Variants in POLR2J observed in about 807,000 individuals in gnomAD.
The protein encoded by POLR2J is DNA-directed RNA polymerase II subunit RPB11-a.
A neutral mutation model predicts 13.4 loss-of-function variants in POLR2J; 12 were observed. The ratio of observed to expected loss-of-function variants is 0.90; its 90% CI spans 0.57 to 1.45. The LOEUF (loss-of-function observed/expected upper bound fraction) is 1.45. Ranked by LOEUF, POLR2J falls within the 40% of genes most tolerant of loss-of-function variation. POLR2J has a pLI of 0.00. For missense variants in POLR2J, 58 were observed against 132.0 expected (o/e 0.44, Z 2.75); for synonymous variants, 31 against 53.6 (o/e 0.58, Z 1.84).
intron 1 of POLR2J, among the ~76,000 whole-genome samples, chr7:102,478,135 C>T (rs1798477462): frequency 1.3e-5 from 1 of 74,884 alleles, no homozygotes; most frequent in Admixed American, 1.7e-4. Context: ...AGGCATCTGC[C>T]ACCACGCCCG....
In POLR2J at chr7:102,473,694, A is replaced by G. The variant is rs1366470714; in HGVS notation, c.319-10T>C. 9.9e-6 allele frequency: 16 copies of G among 1,613,476 alleles called. No individual in the cohort carries two copies. The highest frequency in any genetic ancestry group is 1.3e-5 in the African/African-American group (1 of 74,806). On this transcript the variant is annotated splice_polypyrimidine_tract_variant and intron_variant, in intron 3 of 3. Coordinates refer to ENST00000292614, the MANE Select transcript of POLR2J (RefSeq NM_006234.6). ...TGTCTTTTATGGCCACCTGGGAGAG[A>G]AGAAGGTGGTGGAGACTGAGCTGGA...
Position 102,474,298 on chromosome 7 carries a change from A to G in POLR2J, c.318+63T>C, listed in dbSNP as rs989746237. ...CGAAGAAACAGGCCAGGGCTGTCCCAGGCCTGGGCACACGGGCCAGTGTCC... is the reference window on the plus strand; with the variant it reads ...CGAAGAAACAGGCCAGGGCTGTCCCGGGCCTGGGCACACGGGCCAGTGTCC... On this transcript the variant is annotated intron_variant, in intron 3 of 3. Transcript: ENST00000292614. The G allele has an allele frequency of 8.1e-6, 13 of 1,610,886 alleles. No individual in the cohort carries two copies. The African/African-American group carries it at 9.4e-5, about 12-fold the overall frequency.
chr7:102,474,254 G>A (rs1426243237), intron 3 of POLR2J, 107 bp downstream of exon 3: 27 of 1,604,376 alleles, frequency 1.7e-5, no homozygotes, highest in Admixed American at 3.4e-5. Context: ...CATCACTGCC[G>A]CCTCTCCCCC....
chr7:102,473,913 C>CGACTCAGACGTTG, intron 3 of POLR2J: 1 of 1,434,858 alleles, frequency 7.0e-7, no homozygotes. Flanking sequence ...GGTGAGCAGA[C>CGACTCAGACGTTG]GACTCAGACG....
Position 102,473,391 on chromosome 7 carries a change from C to CA in POLR2J, c.*257_*258insT. 1 of 599,244 alleles carries CA rather than the reference C, an allele frequency of 1.7e-6. No individual in the cohort carries two copies. The highest frequency in any genetic ancestry group is 2.8e-6 in the Non-Finnish European group (1 of 353,310). 37.1% of individuals were successfully genotyped at this position (599,244 alleles called of 1,614,324 possible). A position where few individuals can be genotyped will look rare whatever the true frequency, so the allele number is the denominator to read the frequency against. On this transcript the variant is annotated 3_prime_UTR_variant, in exon 4 of 4. Coordinates refer to ENST00000292614, the MANE Select transcript of POLR2J (RefSeq NM_006234.6). ...GCCGGACGCCCCTGAAACAGGTCATCTGCCTGCATCAAGCCTGACAATCCA... is the reference window on the plus strand; with the variant it reads ...GCCGGACGCCCCTGAAACAGGTCATCATGCCTGCATCAAGCCTGACAATCCA...
chr7:102,478,827 G>C lies in POLR2J; in HGVS notation c.34C>G (p.Leu12Val). ...ACTTACTTCTTCTCGCCCTCGAAGA[G>C]CAAGAACGACTCGAAGGCTGGAGGG... ...NAPPAFESFL[L>V]FEGEKKITIN... Residue 12 changes from leucine (L) to valine (V), a missense_variant, in exon 1 of 4, where the codon CTC (leucine) becomes GTC (valine). Around this residue, in one of 4 missense-constraint regions of POLR2J, gnomAD observed 23 missense variants for 52.6 expected, o/e 0.44. Coordinates refer to ENST00000292614, the MANE Select transcript of POLR2J (RefSeq NM_006234.6). The C allele has an allele frequency of 1.2e-6, 2 of 1,610,760 alleles. No individual in the cohort carries two copies. The highest frequency in any genetic ancestry group is 1.7e-6 in the Non-Finnish European group (2 of 1,179,686).
At chr7:102,475,672 C>G (rs1446515937) in intron 2 of POLR2J, among the ~76,000 whole-genome samples, 1 of 152,262 alleles carries the variant, frequency 6.6e-6, no homozygotes, top group Non-Finnish European at 1.5e-5. Context: ...GTCTCTAATC[C>G]CAGCACTTTG....
In POLR2J at chr7:102,473,476, TTAGGAATATAAAACC is replaced by T. The variant is rs1798298520; in HGVS notation, c.*158_*172del. On this transcript the variant is annotated 3_prime_UTR_variant, in exon 4 of 4. Coordinates refer to ENST00000292614, the MANE Select transcript of POLR2J (RefSeq NM_006234.6). ...TCCAGGTCTCTCCCGCTATACTTTA[TTAGGAATATAAAACC>T]TAATCTATGTACAGGACACGTCGGT... 6.2e-6 allele frequency: 5 copies of T among 811,644 alleles called. No homozygotes were observed. The East Asian group carries it at 1.3e-4, about 21-fold the overall frequency. The allele number at this position is 811,644 out of a possible 1,614,324, so 50.3% of individuals were successfully genotyped here. A position where few individuals can be genotyped will look rare whatever the true frequency, so the allele number is the denominator to read the frequency against.
chr7:102,474,807 CAA>C (rs1798373928), intron 2 of POLR2J, among the ~76,000 whole-genome samples: 1 of 139,006 alleles, frequency 7.2e-6, no homozygotes, highest in South Asian at 2.3e-4. Flanking sequence ...GCAGTGCTGG[CAA>C]AGAGATCTCC....
In POLR2J at chr7:102,473,276, G is replaced by T. The variant is rs190786714; in HGVS notation, c.*373C>A. The T allele has an allele frequency of 2.0e-4, 120 of 608,712 alleles. No homozygotes were observed. In the East Asian group the frequency reaches 2.8e-3, roughly 14 times the overall value. The allele number at this position is 608,712 out of a possible 1,614,324, so 37.7% of individuals were successfully genotyped here. On this transcript the variant is annotated 3_prime_UTR_variant, in exon 4 of 4. Coordinates refer to ENST00000292614, the MANE Select transcript of POLR2J (RefSeq NM_006234.6). ...AGAGCAGAGACTCTTGGGAGCTCAT[G>T]GGTTTGCACACTTCTCTCCGGCTCA...
chr7:102,474,189 C>T lies in POLR2J; in HGVS notation c.318+172G>A, dbSNP rs887326430. 9.0e-6 allele frequency: 14 copies of T among 1,547,982 alleles called. No individual in the cohort carries two copies. The African/African-American group carries it at 1.8e-4, about 20-fold the overall frequency. ...CAGACGGGAGCCACAGGCCCAGACT[C>T]CACAGCCCCTCAGTCCACATGTCCT... is the stretch of plus-strand genomic sequence containing the variant. On this transcript the variant is annotated intron_variant, in intron 3 of 3. Coordinates refer to ENST00000292614, the MANE Select transcript of POLR2J (RefSeq NM_006234.6).
chr7:102,476,557 T>C lies in POLR2J; in HGVS notation c.54-287A>G, dbSNP rs375948789. Among the ~76,000 whole-genome samples, 475 of 145,470 alleles carry C rather than the reference T, an allele frequency of 3.3e-3. 1 individual carries two copies. Among genetic ancestry groups the C allele is most frequent in the African/African-American group, 5.5e-3 (208 of 37,958 alleles). On this transcript the variant is annotated intron_variant, in intron 1 of 3. Coordinates refer to ENST00000292614, the MANE Select transcript of POLR2J (RefSeq NM_006234.6). Reference sequence around the variant, plus strand: ...TGGGAGACTGAGGCAGGAGAATCACTTGAACCTGGGAGGTGGAGTTGCAGT... The same window carrying C: ...TGGGAGACTGAGGCAGGAGAATCACCTGAACCTGGGAGGTGGAGTTGCAGT...
chr7:102,474,591 A>G, intron 2 of POLR2J, 56 bp from the exon 3 acceptor site: 2 of 1,386,976 alleles, frequency 1.4e-6, no homozygotes, highest in Non-Finnish European at 2.0e-6. Flanking sequence ...GCTGGGTAGC[A>G]GCCAGCTCAG....
rs1563664378 is a variant in POLR2J, at chr7:102,478,874, T to A, written c.-14A>T. 1 of 1,610,622 alleles carries A rather than the reference T, an allele frequency of 6.2e-7. No individual in the cohort carries two copies. The highest frequency in any genetic ancestry group is 8.5e-7 in the Non-Finnish European group (1 of 1,179,688). On this transcript the variant is annotated 5_prime_UTR_variant, in exon 1 of 4. Transcript: ENST00000292614. ...AGGGGCGTTCATGCTCCCGCCGCCG[T>A]TGCGTCCAGACCCCAAGGGTCCGCC...
chr7:102,478,734 T>C, intron 1 of POLR2J, 74 bp downstream of exon 1: 1 of 1,586,570 alleles, frequency 6.3e-7, no homozygotes, highest in Non-Finnish European at 8.6e-7. Flanking sequence ...GGGCAAGAGA[T>C]GGGCAGGAGA....
chr7:102,473,260 A>C lies in POLR2J; in HGVS notation c.*389T>G. 2 of 636,054 alleles carry C rather than the reference A, an allele frequency of 3.1e-6. No individual in the cohort carries two copies. The highest frequency in any genetic ancestry group is 2.2e-5 in the South Asian group (1 of 45,602). The allele number at this position is 636,054 out of a possible 1,614,324, so 39.4% of individuals were successfully genotyped here. A position where few individuals can be genotyped will look rare whatever the true frequency, so the allele number is the denominator to read the frequency against. On this transcript the variant is annotated 3_prime_UTR_variant, in exon 4 of 4. Transcript: ENST00000292614. Reference sequence around the variant, plus strand: ...AGGAGTTGAGGCTTCTAGAGCAGAGACTCTTGGGAGCTCATGGGTTTGCAC... The same window carrying C: ...AGGAGTTGAGGCTTCTAGAGCAGAGCCTCTTGGGAGCTCATGGGTTTGCAC...
chr7:102,478,740 G>A lies in POLR2J; in HGVS notation c.53+68C>T, dbSNP rs991764045. 6 of 1,600,242 alleles carry A rather than the reference G, an allele frequency of 3.7e-6. No homozygotes were observed. In the Admixed American group the frequency reaches 5.2e-5, roughly 14 times the overall value. On this transcript the variant is annotated intron_variant, in intron 1 of 3. Coordinates refer to ENST00000292614, the MANE Select transcript of POLR2J (RefSeq NM_006234.6). ...TCCCTCCCGGGGCAAGAGATGGGCAGGAGACACCCCAGAATGCGACAGCCG... is the reference window on the plus strand; with the variant it reads ...TCCCTCCCGGGGCAAGAGATGGGCAAGAGACACCCCAGAATGCGACAGCCG...
Position 102,474,450 on chromosome 7 carries a change from T to G in POLR2J, c.229A>C (p.Thr77Pro), listed in dbSNP as rs1798356830. Residue 77 changes from threonine (T) to proline (P), a missense_variant, in exon 3 of 4, where the codon ACC (threonine) becomes CCC (proline). Coordinates refer to ENST00000292614, the MANE Select transcript of POLR2J (RefSeq NM_006234.6). Reference protein sequence around the residue: ...LEHKIIIRVQTTPDYSPQEAF... With the variant: ...LEHKIIIRVQPTPDYSPQEAF... ...TCCTGGGGGCTGTAGTCCGGCGTGG[T>G]CTGCACTCGGATGATGATCTTGTGC... The G allele has an allele frequency of 6.2e-7, 1 of 1,607,954 alleles. No homozygotes were observed. Among genetic ancestry groups the G allele is most frequent in the East Asian group, 2.2e-5 (1 of 44,718 alleles).
intron 2 of POLR2J, among the ~76,000 whole-genome samples, chr7:102,475,753 C>G (rs888341499): frequency 1.3e-5 from 2 of 151,244 alleles, no homozygotes; most frequent in Non-Finnish European, 3.0e-5. Context: ...GAATCCCCAT[C>G]TCTACTAAAA....
Sources: allele counts gnomAD v4.1 joint callset (sites outside exome capture counted in the v4.1 genomes callset), GRCh38; gene constraint gnomAD v4.1.1; regional missense constraint gnomAD v4.1.1; transcripts MANE v1.5; gene names NCBI Gene and HGNC (gene_info 2026-07-23, HGNC 2026-07-21).